MSH4: variants seen among roughly 807,000 people sequenced by gnomAD.
The protein encoded by MSH4 is mutS homolog 4.
In MSH4, 106 loss-of-function variants were observed where a neutral mutation model predicts 113.7. The observed-to-expected ratio is 0.93, with a 90% CI of 0.80 to 1.10. The LOEUF is 1.10. Ranked by LOEUF, MSH4 falls within the 50% of genes least tolerant of loss-of-function variation. The pLI is 0.00. For synonymous variants in MSH4, 368 were observed against 380.2 expected, an observed-to-expected ratio of 0.97 and a Z score of 0.37; for missense variants, 1,061 against 1,093.7, an observed-to-expected ratio of 0.97 and a Z score of 0.42.
chr1:75,912,053 G>A (rs184758043), intron 19 of MSH4, among the ~76,000 whole-genome samples: 38 of 152,138 alleles, frequency 2.5e-4, no homozygotes, highest in Admixed American at 5.2e-4. Flanking sequence ...TGGGTATCCC[G>A]AAGTTTAGTT....
chr1:75,879,091 C>G lies in MSH4; in HGVS notation c.1640C>G (p.Ala547Gly). 1.2e-6 allele frequency: 2 copies of G among 1,611,434 alleles called. No homozygotes were observed. Among genetic ancestry groups the G allele is most frequent in the Non-Finnish European group, 1.7e-6 (2 of 1,177,878 alleles). The change falls in exon 12 of 20, where the codon GCC (alanine) becomes GGC (glycine). Residue 547 changes from alanine to glycine, a missense_variant. Coordinates refer to ENST00000263187, the MANE Select transcript of MSH4 (RefSeq NM_002440.4). The part of the protein sequence containing the change: ...FFIQMTTDCI[A>G]LPSDQLPSEF... ...ATCCAGATGACTACAGATTGTATAGCCCTACCTAGTGATCAACTTCCTTCA... is the reference window on the plus strand; with the variant it reads ...ATCCAGATGACTACAGATTGTATAGGCCTACCTAGTGATCAACTTCCTTCA...
intron 19 of MSH4, among the ~76,000 whole-genome samples, chr1:75,912,432 T>C (rs1177774687): frequency 1.3e-5 from 2 of 152,138 alleles, no homozygotes; most frequent in Admixed American, 1.3e-4. Context: ...ATTTTTTTCA[T>C]TGAAAAGTGA....
At chr1:75,893,782 G>C (rs2100585238) in intron 17 of MSH4, among the ~76,000 whole-genome samples, 1 of 152,312 alleles carries the variant, frequency 6.6e-6, no homozygotes, top group South Asian at 2.1e-4. Flanking sequence ...GATAAGGGTG[G>C]AAGGAACATA....
chr1:75,838,874 C>T (rs1295636530), intron 7 of MSH4, among the ~76,000 whole-genome samples: 5 of 152,200 alleles, frequency 3.3e-5, no homozygotes, highest in South Asian at 2.1e-4. Flanking sequence ...TTTCTAATTC[C>T]GCAAGTCAGT....
chr1:75,876,433 A>G (rs1207621946), intron 9 of MSH4, among the ~76,000 whole-genome samples: 1 of 152,100 alleles, frequency 6.6e-6, no homozygotes, highest in Non-Finnish European at 1.5e-5. Flanking sequence ...GCCAGGCTAA[A>G]TATGCTTTCT....
intron 10 of MSH4, among the ~76,000 whole-genome samples, chr1:75,877,859 T>A (rs771082113): frequency 4.6e-5 from 7 of 152,192 alleles, no homozygotes; most frequent in Non-Finnish European, 7.4e-5. Context: ...AGAGATGTAT[T>A]TTGTACCCAC....
chr1:75,861,929 CT>C (rs1313546256), intron 8 of MSH4, among the ~76,000 whole-genome samples: 2 of 152,184 alleles, frequency 1.3e-5, no homozygotes, highest in African/African-American at 4.8e-5. Context: ...CTCCACCTAG[CT>C]CGAGCTTCCC....
At chr1:75,837,143 TATAAG>T (rs1416377484) in intron 7 of MSH4, among the ~76,000 whole-genome samples, 3 of 152,244 alleles carry the variant, frequency 2.0e-5, no homozygotes, top group Non-Finnish European at 2.9e-5. Context: ...TCAGTGCCCT[TATAAG>T]AGAAGCTCAA....
chr1:75,892,901 T>C (rs1652288629), intron 17 of MSH4, among the ~76,000 whole-genome samples: 1 of 152,160 alleles, frequency 6.6e-6, no homozygotes, highest in African/African-American at 2.4e-5. Flanking sequence ...TCAACTTAGA[T>C]GGGAAAAAAG....
At chr1:75,869,026 C>T (rs777128791) in intron 9 of MSH4, among the ~76,000 whole-genome samples, 2 of 152,042 alleles carry the variant, frequency 1.3e-5, no homozygotes, top group East Asian at 1.9e-4. Context: ...TGGAACAGTT[C>T]GGAGGGCTCA....
chr1:75,845,200 C>T (rs1007840916), intron 7 of MSH4, among the ~76,000 whole-genome samples: 3 of 152,186 alleles, frequency 2.0e-5, no homozygotes, highest in African/African-American at 7.2e-5. Context: ...GCTCCTGGCT[C>T]CCTCAAATTC....
At chr1:75,910,016 A>T (rs74089644) in intron 19 of MSH4, among the ~76,000 whole-genome samples, 3,020 of 152,168 alleles carry the variant, frequency 0.02, 108 homozygotes, top group African/African-American at 0.069. Context: ...TCTCTTTTGC[A>T]TCTTTAATAT....
intron 14 of MSH4, 43 bp downstream of exon 14, chr1:75,881,413 T>C: frequency 6.3e-7 from 1 of 1,581,472 alleles, no homozygotes; most frequent in Non-Finnish European, 8.6e-7. Context: ...ATAGTTAAAT[T>C]TGTATTCGAT....
intron 7 of MSH4, among the ~76,000 whole-genome samples, chr1:75,844,363 G>C (rs2100543286): frequency 6.6e-6 from 1 of 152,194 alleles, no homozygotes; most frequent in African/African-American, 2.4e-5. Context: ...GTCTGACTCT[G>C]TTGCCCAGGC....
rs368675166 is a variant in MSH4, at chr1:75,883,136, C to G, written c.1907-485C>G. The stretch of plus-strand genomic sequence containing the variant: ...CCTCCTATCTCAACCCCACAAGTAG[C>G]TGGGACTACAGGCATGAGCCATTAC... On this transcript the variant is annotated intron_variant, in intron 14 of 19. Coordinates refer to ENST00000263187, the MANE Select transcript of MSH4 (RefSeq NM_002440.4). Among the ~76,000 whole-genome samples, 50 of 151,526 alleles carry G rather than the reference C, an allele frequency of 3.3e-4. 1 individual carries two copies. In the South Asian group the frequency reaches 5.0e-3, roughly 15 times the overall value.
chr1:75,833,275 GA>G (rs1397110575), intron 7 of MSH4, among the ~76,000 whole-genome samples: 1 of 152,152 alleles, frequency 6.6e-6, no homozygotes, highest in African/African-American at 2.4e-5. Context: ...ACTGCTCAAC[GA>G]AATAAAAGAG....
intron 8 of MSH4, among the ~76,000 whole-genome samples, chr1:75,865,608 G>A (rs1413149553): frequency 6.6e-6 from 1 of 152,142 alleles, no homozygotes; most frequent in African/African-American, 2.4e-5. Context: ...GTAAAACACA[G>A]ATGTTGAAGT....
chr1:75,881,122 T>C (rs761773704), intron 13 of MSH4, 124 bp from the exon 14 acceptor site: 47 of 707,762 alleles, frequency 6.6e-5, no homozygotes, highest in Non-Finnish European at 9.4e-5. Flanking sequence ...GCTTTATCTA[T>C]AGTGTATAAC....
chr1:75,884,052 A>T (rs567279661), intron 15 of MSH4, among the ~76,000 whole-genome samples: 1 of 152,280 alleles, frequency 6.6e-6, no homozygotes, highest in East Asian at 1.9e-4. Flanking sequence ...TTGGGATACT[A>T]CAGAATTGGG....
Sources: gnomAD v4.1 joint callset for allele counts (sites outside exome capture counted in the v4.1 genomes callset) on GRCh38, gnomAD v4.1.1 for gene constraint, MANE v1.5 for transcripts, NCBI Gene and HGNC (gene_info 2026-07-23, HGNC 2026-07-21) for gene names.